Variants in XKR6 observed in about 807,000 individuals in gnomAD.
XKR6 encodes XK related 6.
A neutral mutation model predicts 56.7 loss-of-function variants in XKR6; 22 were observed. The observed-to-expected ratio is 0.39, with a 90% CI of 0.28 to 0.55. The LOEUF (loss-of-function observed/expected upper bound fraction) is 0.55, where lower values mean the gene tolerates loss of function less well. XKR6 is among the 20% of genes least tolerant of loss of function. The probability of loss-of-function intolerance (pLI) is 0.66; values close to 1 mark genes in which losing one functional copy is unlikely to be tolerated. For synonymous variants in XKR6, 524 were observed against 387.8 expected, an observed-to-expected ratio of 1.35 and a Z score of -4.13; for missense variants, 852 against 889.0, an observed-to-expected ratio of 0.96 and a Z score of 0.53.
intron 1 of XKR6, among the ~76,000 whole-genome samples, chr8:11,091,733 G>C (rs534648470): frequency 1.1e-4 from 17 of 152,208 alleles, no homozygotes; most frequent in Middle Eastern, 3.4e-3. Context: ...TGCAGCCGTG[G>C]GGCCGGGTGA....
At chr8:10,980,668 C>G (rs184909576) in intron 1 of XKR6, among the ~76,000 whole-genome samples, 1 of 152,172 alleles carries the variant, frequency 6.6e-6, no homozygotes, top group African/African-American at 2.4e-5. Flanking sequence ...CTCTGTCTAT[C>G]TGTCTGTCTA....
intron 1 of XKR6, among the ~76,000 whole-genome samples, chr8:10,997,125 C>G (rs7842214): frequency 0.25 from 38,075 of 152,038 alleles, 5,259 homozygotes; most frequent in African/African-American, 0.34. Flanking sequence ...TTTCTTTTCT[C>G]AAACTCCATC....
At chr8:10,949,609 C>T (rs4840526) in intron 1 of XKR6, among the ~76,000 whole-genome samples, 12,251 of 152,320 alleles carry the variant, frequency 0.08, 534 homozygotes, top group Middle Eastern at 0.14. Flanking sequence ...CCGTTAGTGC[C>T]CTAACAGGGG....
intron 1 of XKR6, among the ~76,000 whole-genome samples, chr8:11,010,970 C>G (rs1412742843): frequency 1.3e-5 from 2 of 152,184 alleles, no homozygotes; most frequent in Non-Finnish European, 2.9e-5. Context: ...TTCTCTATGC[C>G]AGGTATTTTG....
At chr8:11,148,287 T>A (rs552345993) in intron 1 of XKR6, among the ~76,000 whole-genome samples, 1 of 152,150 alleles carries the variant, frequency 6.6e-6, no homozygotes, top group South Asian at 2.1e-4. Flanking sequence ...CTGACTAGTG[T>A]CCTTATAATA....
intron 1 of XKR6, chr8:11,108,142 A>G (rs1217021801): frequency 2.8e-6 from 1 of 360,502 alleles, no homozygotes; most frequent in Admixed American, 3.9e-5. Flanking sequence ...GTTGAAACAC[A>G]TTTCTAATCA....
intron 1 of XKR6, among the ~76,000 whole-genome samples, chr8:11,109,992 A>T (rs535278481): frequency 6.6e-6 from 1 of 152,288 alleles, no homozygotes; most frequent in East Asian, 1.9e-4. Flanking sequence ...TTTGTCTTTG[A>T]CATGGAGTCT....
Position 11,201,052 on chromosome 8 carries a change from C to T in XKR6, c.288G>A (p.Gln96=). The change falls in exon 1 of 3, where the codon CAG becomes CAA. Residue 96 remains glutamine (Q), a synonymous_variant. Transcript: ENST00000416569. The stretch of plus-strand genomic sequence containing the variant: ...GGCCGGCGCCGGGGGCCGCGGGAGG[C>T]TGCAGCGGCTGGTCCCCCCCGTCGG... ...AAADGGDQPL[Q]PPAAPGAGRQ... The T allele has an allele frequency of 8.0e-7, 1 of 1,248,608 alleles. No homozygotes were observed. Among genetic ancestry groups the T allele is most frequent in the East Asian group, 3.4e-5 (1 of 29,692 alleles). 77.3% of individuals were successfully genotyped at this position (1,248,608 alleles called of 1,614,324 possible).
chr8:11,071,622 C>T (rs1800124105), intron 1 of XKR6, among the ~76,000 whole-genome samples: 1 of 149,550 alleles, frequency 6.7e-6, no homozygotes, highest in Non-Finnish European at 1.5e-5. Flanking sequence ...AGTCCATGGG[C>T]CCCGAGTCCA....
chr8:10,939,718 C>T (rs1431683925), intron 1 of XKR6, among the ~76,000 whole-genome samples: 1 of 152,256 alleles, frequency 6.6e-6, no homozygotes, highest in Non-Finnish European at 1.5e-5. Flanking sequence ...TAATGCAGAG[C>T]TCTGCTTTCG....
intron 1 of XKR6, among the ~76,000 whole-genome samples, chr8:10,945,452 C>A (rs1177067305): frequency 1.3e-5 from 2 of 152,136 alleles, no homozygotes; most frequent in East Asian, 3.9e-4. Flanking sequence ...CCACTGCACT[C>A]CAGCCTGGAC....
Position 11,200,122 on chromosome 8 carries a change from A to G in XKR6, c.764+454T>C, listed in dbSNP as rs1369256787. 2.0e-5 allele frequency among the ~76,000 whole-genome samples: 3 copies of G among 152,186 alleles called. No homozygotes were observed. The highest frequency in any genetic ancestry group is 7.2e-5 in the African/African-American group (3 of 41,450). On this transcript the variant is annotated intron_variant, in intron 1 of 2. Transcript: ENST00000416569. This position sits in a 1 kb window ranked among gnomAD's most constrained non-coding sequence, Gnocchi z 6.4. ...TTTTCCACAGGGCCCCACGCAGGCC[A>G]CTGCAGAGGGAGAACGGGGGAAGAG...
At chr8:11,107,392 G>A (rs1798718523) in intron 1 of XKR6, among the ~76,000 whole-genome samples, 1 of 151,918 alleles carries the variant, frequency 6.6e-6, no homozygotes, top group African/African-American at 2.4e-5. Flanking sequence ...GTAGAGACAG[G>A]GTCCTGCTAT....
At chr8:10,916,068 C>G (rs528638624) in intron 2 of XKR6, among the ~76,000 whole-genome samples, 4 of 152,234 alleles carry the variant, frequency 2.6e-5, no homozygotes, top group Non-Finnish European at 5.9e-5. Flanking sequence ...CACCTGACCC[C>G]AAGATCAGCA....
Position 11,008,166 on chromosome 8 carries a change from G to A in XKR6, c.765-83336C>T, listed in dbSNP as rs546612971. Among the ~76,000 whole-genome samples, 102 of 152,220 alleles carry A rather than the reference G, an allele frequency of 6.7e-4. 2 individuals are homozygous for A. Among genetic ancestry groups the A allele is most frequent in the Non-Finnish European group, 2.1e-4 (14 of 68,030 alleles). On this transcript the variant is annotated intron_variant, in intron 1 of 2. Coordinates refer to ENST00000416569, the MANE Select transcript of XKR6 (RefSeq NM_173683.4). ...TGCCCTGTCCTGCTCAAATACCCTC[G>A]GTGGCTTCTGCTGTCTACAGAATGA...
At chr8:11,144,339 G>A (rs59052630) in intron 1 of XKR6, among the ~76,000 whole-genome samples, 6,802 of 149,818 alleles carry the variant, frequency 0.045, 180 homozygotes, top group South Asian at 0.13. Flanking sequence ...AACCCCAGAA[G>A]GAAAGACAGA....
chr8:10,921,674 C>A (rs1318858394), intron 2 of XKR6, among the ~76,000 whole-genome samples: 1 of 152,024 alleles, frequency 6.6e-6, no homozygotes, highest in Non-Finnish European at 1.5e-5. Context: ...TTTCAAATGC[C>A]CCATCAGGAG....
intron 1 of XKR6, among the ~76,000 whole-genome samples, chr8:11,038,826 C>T (rs1799213155): frequency 6.6e-6 from 1 of 152,094 alleles, no homozygotes; most frequent in Admixed American, 6.5e-5. Flanking sequence ...CAGGCATGAG[C>T]CACCGCGCCT....
chr8:11,192,780 G>A (rs1239682494), intron 1 of XKR6, among the ~76,000 whole-genome samples: 2 of 152,116 alleles, frequency 1.3e-5, no homozygotes, highest in South Asian at 2.1e-4. Context: ...GTAAGGCCTG[G>A]AATCCGCATG....
Sources: allele counts gnomAD v4.1 joint callset (sites outside exome capture counted in the v4.1 genomes callset), GRCh38; gene constraint gnomAD v4.1.1; non-coding constraint Gnocchi (gnomAD v3.1); transcripts MANE v1.5; gene names NCBI Gene and HGNC (gene_info 2026-07-23, HGNC 2026-07-21).